The following ULK4 variants were observed in gnomAD, a reference collection of about 807,000 sequenced individuals.
ULK4 encodes inactive serine/threonine-protein kinase ULK4.
A neutral mutation model predicts 160.6 loss-of-function variants in ULK4; 133 were observed. The ratio of observed to expected loss-of-function variants is 0.83; its 90% confidence interval spans 0.72 to 0.96. The LOEUF (loss-of-function observed/expected upper bound fraction) is 0.96, where lower values mean the gene tolerates loss of function less well. ULK4 is among the 40% of genes least tolerant of loss of function. The probability of loss-of-function intolerance (pLI) is 0.00; values close to 1 mark genes in which losing one functional copy is unlikely to be tolerated. For missense variants in ULK4, 1,580 were observed against 1,499.5 expected (o/e 1.05, Z -0.89); for synonymous variants, 534 against 539.8 (o/e 0.99, Z 0.15).
At chr3:41,466,461 G>T (rs928774902) in intron 32 of ULK4, among the ~76,000 whole-genome samples, 3 of 152,100 alleles carry the variant, frequency 2.0e-5, no homozygotes, top group African/African-American at 7.2e-5. Context: ...GTATCCAAAT[G>T]GGGGGAAAAG....
intron 2 of ULK4, among the ~76,000 whole-genome samples, chr3:41,948,311 C>T (rs1007839788): frequency 6.6e-6 from 1 of 151,992 alleles, no homozygotes; most frequent in East Asian, 1.9e-4. Context: ...ATTCACTGGG[C>T]ATGGTAATGT....
At chr3:41,748,243 CATAT>C (rs992211061) in intron 22 of ULK4, among the ~76,000 whole-genome samples, 6 of 147,678 alleles carry the variant, frequency 4.1e-5, no homozygotes, top group South Asian at 2.1e-4. Flanking sequence ...ACACACACAC[CATAT>C]ATAGAGATCA....
At chr3:41,437,925 G>T (rs2083072944) in intron 34 of ULK4, among the ~76,000 whole-genome samples, 2 of 152,132 alleles carry the variant, frequency 1.3e-5, no homozygotes, top group Non-Finnish European at 2.9e-5. Context: ...GAAGGCCAGT[G>T]AGAAGGGTAA....
At chr3:41,697,353 GACTA>G (rs1460505414) in intron 27 of ULK4, among the ~76,000 whole-genome samples, 6 of 151,964 alleles carry the variant, frequency 3.9e-5, no homozygotes, top group Non-Finnish European at 8.8e-5. Flanking sequence ...AGTAAGCCCA[GACTA>G]ACTGTGTGTG....
chr3:41,677,332 ATTTTT>A (rs199498760), intron 29 of ULK4, among the ~76,000 whole-genome samples: 1 of 128,516 alleles, frequency 7.8e-6, no homozygotes, highest in Non-Finnish European at 1.7e-5. Flanking sequence ...AAGTTCATTC[ATTTTT>A]TTTTTTTTTT....
intron 4 of ULK4, 79 bp from the exon 5 acceptor site, chr3:41,932,085 TAAAG>T: frequency 7.8e-7 from 1 of 1,277,772 alleles, no homozygotes; most frequent in East Asian, 2.6e-5. Context: ...ATAATTGTAC[TAAAG>T]AACTTTTCAG....
intron 30 of ULK4, among the ~76,000 whole-genome samples, chr3:41,616,390 C>T (rs1301389043): frequency 2.0e-5 from 3 of 152,144 alleles, no homozygotes; most frequent in Non-Finnish European, 2.9e-5. Context: ...TCTGCAGCTC[C>T]CAGCAAGACC....
At chr3:41,494,968 G>T (rs986341272) in intron 32 of ULK4, among the ~76,000 whole-genome samples, 2 of 151,984 alleles carry the variant, frequency 1.3e-5, no homozygotes, top group African/African-American at 4.8e-5. Context: ...ATGCTCATAG[G>T]TAGGAAGAAT....
chr3:41,462,593 C>T (rs1686724558), intron 33 of ULK4, among the ~76,000 whole-genome samples: 1 of 152,172 alleles, frequency 6.6e-6, no homozygotes, highest in African/African-American at 2.4e-5. Flanking sequence ...AACCATCTCA[C>T]AAGTCCATGG....
intron 17 of ULK4, among the ~76,000 whole-genome samples, chr3:41,848,847 C>T (rs2042133751): frequency 6.6e-6 from 1 of 152,190 alleles, no homozygotes; most frequent in Non-Finnish European, 1.5e-5. Context: ...GCAGAATCAA[C>T]CTTAAAAAGT....
chr3:41,552,055 A>G (rs2087088817), intron 32 of ULK4, among the ~76,000 whole-genome samples: 1 of 152,046 alleles, frequency 6.6e-6, no homozygotes, highest in Admixed American at 6.6e-5. Context: ...AACACGGTTC[A>G]ATATCTCTTC....
chr3:41,432,234 C>A lies in ULK4; in HGVS notation c.3492+23263G>T, dbSNP rs952303617. ...ACAAAGTAAAATGCAATCAGTATGA[C>A]CTTGAAATAGAGACTTTAAAGAAAT... On this transcript the variant is annotated intron_variant, in intron 34 of 36. Coordinates refer to ENST00000301831, the MANE Select transcript of ULK4 (RefSeq NM_017886.4). Among the ~76,000 whole-genome samples the A allele has an allele frequency of 4.6e-5, 7 of 152,172 alleles. No individual in the cohort carries two copies. The East Asian group carries it at 1.4e-3, about 29-fold the overall frequency.
chr3:41,737,052 ATC>A (rs2038079277), intron 22 of ULK4, among the ~76,000 whole-genome samples: 1 of 151,900 alleles, frequency 6.6e-6, no homozygotes, highest in Non-Finnish European at 1.5e-5. Flanking sequence ...ATTGGTCTAC[ATC>A]TCTGTTTTGG....
intron 31 of ULK4, among the ~76,000 whole-genome samples, chr3:41,587,747 T>C (rs995401449): frequency 5.3e-5 from 8 of 152,186 alleles, no homozygotes; most frequent in Admixed American, 1.3e-4. Context: ...ACTATATGAA[T>C]TGAAAACTGA....
chr3:41,748,922 G>T (rs2038517284), intron 22 of ULK4, among the ~76,000 whole-genome samples: 1 of 152,052 alleles, frequency 6.6e-6, no homozygotes. Context: ...CCTCCATTCT[G>T]GGGATGGTGG....
intron 27 of ULK4, among the ~76,000 whole-genome samples, chr3:41,683,744 A>G (rs1279087337): frequency 1.3e-5 from 2 of 152,032 alleles, no homozygotes; most frequent in Non-Finnish European, 2.9e-5. Context: ...CAACCTCAAT[A>G]GACACCCACG....
intron 34 of ULK4, among the ~76,000 whole-genome samples, chr3:41,433,254 A>T (rs1035763727): frequency 2.0e-5 from 3 of 152,210 alleles, no homozygotes; most frequent in Non-Finnish European, 4.4e-5. Flanking sequence ...GCTAAACTTC[A>T]TAAGTGATGA....
intron 22 of ULK4, among the ~76,000 whole-genome samples, chr3:41,744,196 T>C (rs2038340770): frequency 6.6e-6 from 1 of 151,874 alleles, no homozygotes. Flanking sequence ...GACTTAAACC[T>C]TGACATATCA....
At chr3:41,725,999 A>G (rs2037636599) in intron 22 of ULK4, among the ~76,000 whole-genome samples, 1 of 152,232 alleles carries the variant, frequency 6.6e-6, no homozygotes, top group Admixed American at 6.5e-5. Flanking sequence ...AGAAATGGTT[A>G]TCTTTTGGCA....
Sources: allele counts gnomAD v4.1 joint callset (sites outside exome capture counted in the v4.1 genomes callset), GRCh38; gene constraint gnomAD v4.1.1; transcripts MANE v1.5; gene names NCBI Gene and HGNC (gene_info 2026-07-23, HGNC 2026-07-21).